Variants in CRIM1 observed in about 807,000 individuals in gnomAD.
CRIM1 encodes the protein cysteine rich transmembrane BMP regulator 1, also known as cysteine-rich motor neuron 1 protein.
CRIM1 carries 32 observed loss-of-function variants against 116.4 expected under a neutral mutation model. That is an observed-to-expected ratio of 0.27 (90% CI 0.21 to 0.37). The LOEUF (loss-of-function observed/expected upper bound fraction) is 0.37. Among genes scored for constraint, CRIM1 ranks in the 10% least tolerant of loss-of-function variants. The pLI, the probability that CRIM1 is intolerant of heterozygous loss-of-function variation, is 1.00. For missense variants in CRIM1, 1,331 were observed against 1,354.8 expected (o/e 0.98, Z 0.28); for synonymous variants, 590 against 509.2 (o/e 1.16, Z -2.13).
chr2:36,359,199 T>G (rs868381049), intron 1 of CRIM1, among the ~76,000 whole-genome samples: 1 of 152,174 alleles, frequency 6.6e-6, no homozygotes, highest in Non-Finnish European at 1.5e-5. Flanking sequence ...TTGCTGCAAT[T>G]TTTGCACTAA....
At chr2:36,454,240 A>T (rs1056184607) in intron 4 of CRIM1, among the ~76,000 whole-genome samples, 6 of 151,878 alleles carry the variant, frequency 4.0e-5, no homozygotes, top group Non-Finnish European at 8.8e-5. Flanking sequence ...AACTTAACAC[A>T]CTGTATTCTT....
chr2:36,410,432 C>T (rs1004941290), intron 2 of CRIM1, among the ~76,000 whole-genome samples: 2 of 152,036 alleles, frequency 1.3e-5, no homozygotes, highest in African/African-American at 4.8e-5. Context: ...AGATAAAATC[C>T]AAGTTTTACA....
intron 1 of CRIM1, chr2:36,369,264 C>G (rs144231934): frequency 4.6e-5 from 7 of 152,336 alleles, no homozygotes; most frequent in African/African-American, 1.7e-4. Context: ...GTTAGAGACC[C>G]CACTTGCCCA....
At position 36,384,771 on chromosome 2, in the gene CRIM1, G is replaced by C. The variant is rs547074870; in HGVS notation, c.332-11843G>C. On this transcript the variant is annotated intron_variant, in intron 1 of 16. Coordinates refer to ENST00000280527, the MANE Select transcript of CRIM1 (RefSeq NM_016441.3). ...GGGCTTGATGCCTTTAAAATCAGTG[G>C]ATCAGGCCCTGTGTTGCGAGATTTC... 4.6e-5 allele frequency among the ~76,000 whole-genome samples: 7 copies of C among 152,282 alleles called. No individual in the cohort carries two copies. The South Asian group carries it at 6.2e-4, about 14-fold the overall frequency.
intron 1 of CRIM1, among the ~76,000 whole-genome samples, chr2:36,374,306 C>G (rs1670154376): frequency 6.6e-6 from 1 of 152,214 alleles, no homozygotes; most frequent in Non-Finnish European, 1.5e-5. Flanking sequence ...CCATCACTAG[C>G]TGTGTGTGCT....
intron 13 of CRIM1, among the ~76,000 whole-genome samples, chr2:36,535,131 G>A (rs368273002): frequency 0.072 from 9,492 of 132,502 alleles, 830 homozygotes; most frequent in East Asian, 0.24. Context: ...GAGGGAGGGA[G>A]GGAAGGGGAA....
intron 7 of CRIM1, among the ~76,000 whole-genome samples, chr2:36,488,190 T>G (rs1193619383): frequency 6.6e-6 from 1 of 152,230 alleles, no homozygotes; most frequent in Non-Finnish European, 1.5e-5. Flanking sequence ...GTGTTGTATC[T>G]ATCTGATTAT....
At chr2:36,450,105 C>G (rs1408697382) in intron 4 of CRIM1, among the ~76,000 whole-genome samples, 2 of 151,948 alleles carry the variant, frequency 1.3e-5, no homozygotes, top group Non-Finnish European at 2.9e-5. Context: ...AATATCTGGC[C>G]AAAGGCTGAC....
intron 2 of CRIM1, among the ~76,000 whole-genome samples, chr2:36,409,441 T>G (rs1214261700): frequency 6.6e-6 from 1 of 152,204 alleles, no homozygotes; most frequent in African/African-American, 2.4e-5. Context: ...GAGCAAGGAT[T>G]TCTGCAGTCA....
chr2:36,413,036 A>T (rs1307533693), intron 2 of CRIM1, among the ~76,000 whole-genome samples: 1 of 152,210 alleles, frequency 6.6e-6, no homozygotes, highest in Non-Finnish European at 1.5e-5. Flanking sequence ...AGTAAATGTG[A>T]AATGGGCTTA....
In CRIM1 at chr2:36,547,004, G is replaced by C; in HGVS notation, c.2767G>C (p.Asp923His). 6.2e-7 allele frequency: 1 copy of C among 1,609,230 alleles called. No homozygotes were observed. Among genetic ancestry groups the C allele is most frequent in the Non-Finnish European group, 8.5e-7 (1 of 1,176,900 alleles). ...CCTAGATATGGGTCACCTCCAGGTA[G>C]ATTACAGAGATAACAGGCTGCACCC... ...LPRDMGHLQV[D>H]YRDNRLHPSE... The change falls in exon 16 of 17, where the codon GAT becomes CAT. Residue 923 changes from aspartate to histidine, a missense_variant. This residue lies in a region of CRIM1 where 283 missense variants were observed against 242.8 expected (regional missense o/e 1.17). Coordinates refer to ENST00000280527, the MANE Select transcript of CRIM1 (RefSeq NM_016441.3).
intron 14 of CRIM1, among the ~76,000 whole-genome samples, chr2:36,538,415 C>CA (rs1216885170): frequency 7.6e-6 from 1 of 131,624 alleles, no homozygotes; most frequent in Non-Finnish European, 1.5e-5. Context: ...TTGAGGTCCT[C>CA]AGCGAGTCAG....
At chr2:36,526,557 T>C (rs848564) in intron 13 of CRIM1, among the ~76,000 whole-genome samples, 63,730 of 151,652 alleles carry the variant, frequency 0.42, 14,189 homozygotes, top group East Asian at 0.81. Context: ...AGCAGAGAAG[T>C]AAATTAGCAG....
intron 2 of CRIM1, among the ~76,000 whole-genome samples, 157 bp from the exon 3 acceptor site, chr2:36,441,101 T>C (rs141493664): frequency 1.6e-4 from 25 of 152,262 alleles, no homozygotes; most frequent in Non-Finnish European, 3.1e-4. Flanking sequence ...GGTGAGGTTT[T>C]CATTGTTAGT....
intron 2 of CRIM1, among the ~76,000 whole-genome samples, chr2:36,427,318 G>C (rs951937477): frequency 6.6e-6 from 1 of 152,170 alleles, no homozygotes; most frequent in Non-Finnish European, 1.5e-5. Context: ...CACAAGACTA[G>C]GGAGGCAGAT....
chr2:36,537,675 C>T (rs1264341274), intron 14 of CRIM1, 129 bp downstream of exon 14: 8 of 1,014,076 alleles, frequency 7.9e-6, no homozygotes, highest in Non-Finnish European at 1.1e-5. Flanking sequence ...GCCCAGTTAG[C>T]GCCTCCACCC....
At chr2:36,413,408 A>T (rs1174639907) in intron 2 of CRIM1, among the ~76,000 whole-genome samples, 1 of 152,180 alleles carries the variant, frequency 6.6e-6, no homozygotes, top group Non-Finnish European at 1.5e-5. Flanking sequence ...TTACAACAGT[A>T]GGGCTTTTCT....
rs1187218732 is a variant in CRIM1, at chr2:36,387,322, C to G, written c.332-9292C>G. 2.0e-5 allele frequency among the ~76,000 whole-genome samples: 3 copies of G among 152,170 alleles called. No individual in the cohort carries two copies. The East Asian group carries it at 5.8e-4, about 29-fold the overall frequency. The stretch of plus-strand genomic sequence containing the variant: ...GACATTTCTCCAAAATACTTTTTTC[C>G]TCAACCAAGATTTATTAATTTTTAA... On this transcript the variant is annotated intron_variant, in intron 1 of 16. Transcript: ENST00000280527.
intron 13 of CRIM1, among the ~76,000 whole-genome samples, chr2:36,523,364 G>T (rs984848148): frequency 3.9e-5 from 6 of 152,198 alleles, no homozygotes; most frequent in African/African-American, 1.4e-4. Context: ...TAACTCTAGA[G>T]CCCTCACCTT....
Sources: allele counts gnomAD v4.1 joint callset (sites outside exome capture counted in the v4.1 genomes callset), GRCh38; gene constraint gnomAD v4.1.1; regional missense constraint gnomAD v4.1.1; transcripts MANE v1.5; gene names NCBI Gene and HGNC (gene_info 2026-07-23, HGNC 2026-07-21).